SORCS1: variants seen among roughly 807,000 people sequenced by gnomAD.
SORCS1 encodes VPS10 domain-containing receptor SorCS1.
A neutral mutation model predicts 146.1 loss-of-function variants in SORCS1; 60 were observed. That is an observed-to-expected ratio of 0.41 (90% confidence interval 0.33 to 0.51). The LOEUF is 0.51. SORCS1 is among the 20% of genes least tolerant of loss of function. SORCS1 has a pLI of 0.21. For synonymous variants in SORCS1, 637 were observed against 584.0 expected (o/e 1.09, Z -1.31); for missense variants, 1,352 against 1,487.6 (o/e 0.91, Z 1.50).
chr10:106,588,957 C>T (rs1300777613), intron 24 of SORCS1, among the ~76,000 whole-genome samples: 1 of 147,472 alleles, frequency 6.8e-6, no homozygotes, highest in Non-Finnish European at 1.5e-5. Context: ...AAATCTCTAT[C>T]TTTATAAAGC....
chr10:107,089,939 G>A (rs1251485418), intron 1 of SORCS1, among the ~76,000 whole-genome samples: 1 of 152,140 alleles, frequency 6.6e-6, no homozygotes, highest in East Asian at 1.9e-4. Flanking sequence ...AGATGGCTGC[G>A]GCTCTTTTCA....
At chr10:106,992,688 G>A (rs1396521426) in intron 1 of SORCS1, among the ~76,000 whole-genome samples, 1 of 151,836 alleles carries the variant, frequency 6.6e-6, no homozygotes, top group Non-Finnish European at 1.5e-5. Flanking sequence ...GTAGAGATGG[G>A]ATCTTGCTAT....
At chr10:106,699,588 A>C (rs1853976802) in intron 8 of SORCS1, among the ~76,000 whole-genome samples, 195 bp from the exon 9 acceptor site, 1 of 152,238 alleles carries the variant, frequency 6.6e-6, no homozygotes, top group African/African-American at 2.4e-5. Context: ...GGGGTTAGGC[A>C]ATAAGGTCAT....
In SORCS1 at chr10:106,761,607, C is replaced by T; in HGVS notation, c.940G>A (p.Val314Ile). 1 of 1,614,128 alleles carries T rather than the reference C, an allele frequency of 6.2e-7. No individual in the cohort carries two copies. Among genetic ancestry groups the T allele is most frequent in the East Asian group, 2.2e-5 (1 of 44,864 alleles). The change falls in exon 5 of 26, where the codon GTA becomes ATA. Residue 314 changes from valine to isoleucine, a missense_variant. Val to Ile is a conservative substitution (Grantham distance 29). Transcript: ENST00000263054. Reference sequence around the variant, plus strand: ...ACTTACCAGTAGAACCTGTTTGGTACAACCCCTTCTTGGATAAGCTGCCAT... The same window carrying T: ...ACTTACCAGTAGAACCTGTTTGGTATAACCCCTTCTTGGATAAGCTGCCAT... ...RRWQLIQEGV[V>I]PNRFYWSVMG... is the part of the protein sequence containing the mutation.
chr10:106,884,040 C>T (rs1489832282), intron 2 of SORCS1, among the ~76,000 whole-genome samples: 1 of 152,108 alleles, frequency 6.6e-6, no homozygotes. Context: ...AACCTTGCTT[C>T]CTCTCCCTAA....
intron 1 of SORCS1, among the ~76,000 whole-genome samples, chr10:106,979,487 G>C (rs565912145): frequency 7.9e-5 from 12 of 152,142 alleles, no homozygotes; most frequent in African/African-American, 2.9e-4. Flanking sequence ...TTAGCCCTCA[G>C]TATGTTTCTA....
At chr10:107,180,721 TTTTGA>T in the SORCS1 span, among the ~76,000 whole-genome samples, 1 of 152,174 alleles carries the variant, frequency 6.6e-6, no homozygotes, top group Admixed American at 6.5e-5. Flanking sequence ...GAGTTTAGAT[TTTTGA>T]TTTGTGATTT....
At position 106,910,321 on chromosome 10, in the gene SORCS1, G is replaced by GTA. The variant is rs200993097; in HGVS notation, c.626+46190_626+46191dup. ...TGTGTGTGTGTGTGTGTGTGAGACA[G>GTA]TATATATATATAGAGAGTGAGCGAG... On this transcript the variant is annotated intron_variant, in intron 2 of 25. Transcript: ENST00000263054. Among the ~76,000 whole-genome samples the GTA allele has an allele frequency of 1.5e-4, 16 of 108,442 alleles. No homozygotes were observed. In the South Asian group the frequency reaches 2.7e-3, roughly 18 times the overall value. 71.1% of individuals were successfully genotyped at this position (108,442 alleles called of 152,430 possible).
chr10:106,850,242 C>A (rs1292124145), intron 2 of SORCS1, among the ~76,000 whole-genome samples: 4 of 151,990 alleles, frequency 2.6e-5, no homozygotes, highest in Non-Finnish European at 5.9e-5. Flanking sequence ...AGCGAGACTC[C>A]GTGGGTGGAG....
chr10:106,804,125 G>C (rs1216964166), intron 3 of SORCS1, among the ~76,000 whole-genome samples: 2 of 152,086 alleles, frequency 1.3e-5, no homozygotes, highest in African/African-American at 4.8e-5. Flanking sequence ...GAGTGAAAAA[G>C]TACTCATAAT....
intron 3 of SORCS1, among the ~76,000 whole-genome samples, chr10:106,814,094 CTGGACTTA>C (rs1947615325): frequency 6.6e-6 from 1 of 152,176 alleles, no homozygotes; most frequent in African/African-American, 2.4e-5. Context: ...GTACTGAGAC[CTGGACTTA>C]CAACAAGGTT....
At chr10:107,110,522 T>C (rs1222985832) in intron 1 of SORCS1, among the ~76,000 whole-genome samples, 1 of 151,962 alleles carries the variant, frequency 6.6e-6, no homozygotes, top group Non-Finnish European at 1.5e-5. Context: ...GGCTACAGAC[T>C]TTTAAATGAC....
At chr10:106,900,527 T>C (rs1353523663) in intron 2 of SORCS1, among the ~76,000 whole-genome samples, 1 of 152,098 alleles carries the variant, frequency 6.6e-6, no homozygotes, top group Non-Finnish European at 1.5e-5. Flanking sequence ...GTTATATAAA[T>C]ACATCCCTCC....
intron 3 of SORCS1, among the ~76,000 whole-genome samples, chr10:106,779,150 C>A (rs2136394996): frequency 6.6e-6 from 1 of 152,108 alleles, no homozygotes; most frequent in East Asian, 1.9e-4. Flanking sequence ...GACCAAAATC[C>A]CACCTTCTCT....
intron 1 of SORCS1, chr10:106,970,132 C>A (rs1175102824): frequency 6.6e-6 from 1 of 152,206 alleles, no homozygotes; most frequent in Non-Finnish European, 1.5e-5. Context: ...CTTCTTTGGG[C>A]TTCAGTTTCC....
At chr10:107,128,638 G>A (rs1395260009) in intron 1 of SORCS1, among the ~76,000 whole-genome samples, 2 of 152,178 alleles carry the variant, frequency 1.3e-5, no homozygotes, top group African/African-American at 4.8e-5. Context: ...ACAGCATAGG[G>A]AACTGCTGAA....
intron 24 of SORCS1, among the ~76,000 whole-genome samples, chr10:106,590,780 G>T (rs369198136): frequency 2.6e-5 from 4 of 152,074 alleles, no homozygotes; most frequent in Non-Finnish European, 5.9e-5. Context: ...TCAGCCTCCC[G>T]AGTAGCTGGG....
intron 1 of SORCS1, among the ~76,000 whole-genome samples, chr10:107,068,339 G>A (rs926116451): frequency 6.6e-6 from 1 of 152,126 alleles, no homozygotes; most frequent in Non-Finnish European, 1.5e-5. Flanking sequence ...TGTATTTGGT[G>A]AAGCAGTGGA....
At chr10:106,618,020 C>G in intron 21 of SORCS1, 129 bp downstream of exon 21, 1 of 1,242,328 alleles carries the variant, frequency 8.0e-7, no homozygotes, top group Non-Finnish European at 1.1e-6. Context: ...CGCCTCAGCT[C>G]TTTCTCAACT....
Sources: allele counts gnomAD v4.1 joint callset (sites outside exome capture counted in the v4.1 genomes callset), GRCh38; gene constraint gnomAD v4.1.1; transcripts MANE v1.5; gene names NCBI Gene and HGNC (gene_info 2026-07-23, HGNC 2026-07-21).